Variants in CAMTA1 observed in about 807,000 individuals in gnomAD.
The protein encoded by CAMTA1 is calmodulin binding transcription activator 1.
A neutral mutation model predicts 170.9 loss-of-function variants in CAMTA1; 27 were observed. The observed-to-expected ratio is 0.16, with a 90% confidence interval of 0.12 to 0.22. CAMTA1 has a LOEUF of 0.22. CAMTA1 is among the 10% of genes least tolerant of loss of function. The pLI is 1.00. For missense variants in CAMTA1, 1,619 were observed against 2,217.2 expected (o/e 0.73, Z 5.42); for synonymous variants, 833 against 891.5 (o/e 0.93, Z 1.17).
intron 5 of CAMTA1, among the ~76,000 whole-genome samples, chr1:7,316,025 T>C (rs1336241435): frequency 6.6e-6 from 1 of 152,142 alleles, no homozygotes; most frequent in Non-Finnish European, 1.5e-5. Context: ...TTGGACCTTC[T>C]CACATGGTGG....
chr1:7,054,697 A>G (rs1044465343), intron 3 of CAMTA1, among the ~76,000 whole-genome samples: 1 of 152,186 alleles, frequency 6.6e-6, no homozygotes, highest in African/African-American at 2.4e-5. Context: ...CACTTGAGTT[A>G]CACGGACACC....
chr1:7,760,945 A>C (rs941820500), intron 22 of CAMTA1, among the ~76,000 whole-genome samples: 1 of 152,218 alleles, frequency 6.6e-6, no homozygotes, highest in Non-Finnish European at 1.5e-5. Flanking sequence ...CCATGGAGCC[A>C]TTGTTTGCTA....
intron 3 of CAMTA1, among the ~76,000 whole-genome samples, chr1:7,020,865 G>A (rs1701241725): frequency 1.3e-5 from 2 of 152,236 alleles, no homozygotes; most frequent in Admixed American, 1.3e-4. Context: ...TCACCAGGGT[G>A]TTGTACAGAG....
At chr1:7,656,627 G>T (rs961685301) in intron 7 of CAMTA1, among the ~76,000 whole-genome samples, 1 of 152,206 alleles carries the variant, frequency 6.6e-6, no homozygotes, top group Non-Finnish European at 1.5e-5. Context: ...GCTCTCCGCC[G>T]CTTCCCAAGG....
In CAMTA1 at chr1:7,736,702, A is replaced by G. The variant is rs2149992900; in HGVS notation, c.3263+162A>G. Among the ~76,000 whole-genome samples, 1 of 152,076 alleles carries G rather than the reference A, an allele frequency of 6.6e-6. No homozygotes were observed. The highest frequency in any genetic ancestry group is 2.1e-4 in the South Asian group (1 of 4,816). ...GACAGTTTCCAAGGGAGTTTTATAAACTTCTTCCCAAGAAATACCCAGAGA... is the reference window on the plus strand; with the variant it reads ...GACAGTTTCCAAGGGAGTTTTATAAGCTTCTTCCCAAGAAATACCCAGAGA... On this transcript the variant is annotated intron_variant, in intron 13 of 22. Coordinates refer to ENST00000303635, the MANE Select transcript of CAMTA1 (RefSeq NM_015215.4). The surrounding 1 kb of genome is among the most constrained non-coding windows in gnomAD (Gnocchi z 4.5).
At chr1:6,975,719 C>T (rs1693303598) in intron 3 of CAMTA1, among the ~76,000 whole-genome samples, 1 of 152,176 alleles carries the variant, frequency 6.6e-6, no homozygotes, top group Admixed American at 6.5e-5. Context: ...AGTATACTCA[C>T]AGAGTTGTGC....
chr1:7,222,450 G>T (rs1022059607), intron 4 of CAMTA1, among the ~76,000 whole-genome samples: 1 of 152,028 alleles, frequency 6.6e-6, no homozygotes, highest in African/African-American at 2.4e-5. Context: ...CCTGACTGTT[G>T]ACTACAAAAT....
chr1:7,497,750 ACGG>A (rs1163160793), intron 6 of CAMTA1, among the ~76,000 whole-genome samples: 1 of 152,222 alleles, frequency 6.6e-6, no homozygotes, highest in African/African-American at 2.4e-5. Context: ...CTCAGCCATG[ACGG>A]CAGGAGAGAG....
At chr1:7,323,198 G>T (rs1218829635) in intron 5 of CAMTA1, among the ~76,000 whole-genome samples, 14 of 151,958 alleles carry the variant, frequency 9.2e-5, no homozygotes, top group South Asian at 2.1e-4. Context: ...GTTTGGGTCA[G>T]TAGCACCACT....
intron 5 of CAMTA1, among the ~76,000 whole-genome samples, chr1:7,461,028 C>T (rs534433583): frequency 9.9e-5 from 15 of 152,256 alleles, no homozygotes; most frequent in Non-Finnish European, 1.9e-4. Flanking sequence ...AGCAGAGGGA[C>T]CCTCATAAAA....
At chr1:6,794,413 T>G (rs1476119438) in intron 1 of CAMTA1, among the ~76,000 whole-genome samples, 54 of 152,198 alleles carry the variant, frequency 3.5e-4, no homozygotes, top group Non-Finnish European at 1.5e-4. Flanking sequence ...CATTTTAGAT[T>G]TACAGATAAA....
chr1:6,994,555 G>A (rs561704429), intron 3 of CAMTA1, among the ~76,000 whole-genome samples: 15 of 152,080 alleles, frequency 9.9e-5, no homozygotes, highest in East Asian at 5.8e-4. Context: ...TATTCCCTGC[G>A]GAACGTGTCC....
At chr1:6,917,083 G>T (rs1680967004) in intron 3 of CAMTA1, among the ~76,000 whole-genome samples, 1 of 152,226 alleles carries the variant, frequency 6.6e-6, no homozygotes, top group African/African-American at 2.4e-5. Flanking sequence ...GCCAGGGAGA[G>T]AAAGATTGTT....
rs1258493161 is a variant in CAMTA1 at position 7,690,383 on chromosome 1, G to C, written c.2914+12650G>C. Among the ~76,000 whole-genome samples, 5 of 152,208 alleles carry C rather than the reference G, an allele frequency of 3.3e-5. No individual in the cohort carries two copies. In the East Asian group the frequency reaches 7.7e-4, roughly 23 times the overall value. On this transcript the variant is annotated intron_variant, in intron 11 of 22. Transcript: ENST00000303635. Reference sequence around the variant, plus strand: ...GACCAGTTCTGGCATCAGCAGATCGGGAGGTACCCAGTGGAGGCCTCAGAG... The same window carrying C: ...GACCAGTTCTGGCATCAGCAGATCGCGAGGTACCCAGTGGAGGCCTCAGAG...
chr1:7,035,162 G>C (rs7526744), intron 3 of CAMTA1, among the ~76,000 whole-genome samples: 21,537 of 152,072 alleles, frequency 0.14, 2,047 homozygotes, highest in African/African-American at 0.28. Flanking sequence ...AGCACTTTGG[G>C]AGGCTGAGGC....
In CAMTA1 at chr1:7,748,439, C is replaced by T. The variant is rs1216093166; in HGVS notation, c.4689+658C>T. ...AAACCATCTGCAATTAGACTTGTAC[C>T]GCAAAAGGGTTTTTGTCCAAATTTT... is the stretch of plus-strand genomic sequence containing the variant. On this transcript the variant is annotated intron_variant, in intron 19 of 22. Transcript: ENST00000303635. This position sits in a 1 kb window ranked among gnomAD's most constrained non-coding sequence, Gnocchi z 4.7. Among the ~76,000 whole-genome samples the T allele has an allele frequency of 1.3e-5, 2 of 152,060 alleles. No homozygotes were observed. The highest frequency in any genetic ancestry group is 4.8e-5 in the African/African-American group (2 of 41,406).
chr1:7,749,840 A>G, intron 19 of CAMTA1: 2 of 456,266 alleles, frequency 4.4e-6, no homozygotes, highest in South Asian at 1.6e-5. Flanking sequence ...CAGAGTCACA[A>G]ACTTCACACC....
intron 3 of CAMTA1, among the ~76,000 whole-genome samples, chr1:7,089,033 T>G (rs1027038851): frequency 2.6e-5 from 4 of 152,216 alleles, no homozygotes; most frequent in Non-Finnish European, 4.4e-5. Context: ...TGATGATTAA[T>G]CCAGCAGTGG....
intron 7 of CAMTA1, among the ~76,000 whole-genome samples, chr1:7,659,566 A>G (rs1558072905): frequency 6.6e-6 from 1 of 151,614 alleles, no homozygotes; most frequent in Non-Finnish European, 1.5e-5. Flanking sequence ...AAACCATCAG[A>G]GTTATAATTA....
Sources: gnomAD v4.1 joint callset for allele counts (sites outside exome capture counted in the v4.1 genomes callset) on GRCh38, gnomAD v4.1.1 for gene constraint, Gnocchi (gnomAD v3.1) non-coding constraint, MANE v1.5 for transcripts, NCBI Gene and HGNC (gene_info 2026-07-23, HGNC 2026-07-21) for gene names.